The following JAZF1 variants were observed in gnomAD, a reference collection of about 807,000 sequenced individuals.
JAZF1 encodes the protein JAZF zinc finger 1.
JAZF1 carries 8 observed loss-of-function variants against 26.4 expected under a neutral mutation model. That is an observed-to-expected ratio of 0.30 (90% CI 0.18 to 0.55). The LOEUF (loss-of-function observed/expected upper bound fraction) is 0.55. Ranked by LOEUF, JAZF1 falls within the 20% of genes least tolerant of loss-of-function variation. The probability of loss-of-function intolerance (pLI) is 0.94; values close to 1 mark genes in which losing one functional copy is unlikely to be tolerated. For synonymous variants in JAZF1, 126 were observed against 122.3 expected (o/e 1.03, Z -0.20); for missense variants, 199 against 322.0 (o/e 0.62, Z 2.92).
At chr7:27,868,371 C>T (rs546224763) in intron 3 of JAZF1, among the ~76,000 whole-genome samples, 13 of 152,356 alleles carry the variant, frequency 8.5e-5, no homozygotes, top group African/African-American at 3.1e-4. Flanking sequence ...GTCCTCACCG[C>T]AACTCCCTGT....
intron 1 of JAZF1, among the ~76,000 whole-genome samples, chr7:28,146,864 G>GTT (rs1185605463): frequency 1.0e-4 from 14 of 135,600 alleles, no homozygotes; most frequent in East Asian, 2.1e-4. Flanking sequence ...GTTTTTTTTT[G>GTT]TTTTTTTTTT....
At chr7:27,910,855 G>C (rs1252803435) in intron 2 of JAZF1, among the ~76,000 whole-genome samples, 1 of 152,158 alleles carries the variant, frequency 6.6e-6, no homozygotes, top group Non-Finnish European at 1.5e-5. Context: ...CCAAGCGGTT[G>C]TTCCCCCCAC....
intron 1 of JAZF1, among the ~76,000 whole-genome samples, chr7:28,028,204 C>T (rs189042490): frequency 1.3e-5 from 2 of 152,334 alleles, no homozygotes; most frequent in East Asian, 1.9e-4. Flanking sequence ...AGTCATTACC[C>T]TCCCTTTCTT....
At chr7:28,007,600 G>A (rs1782726723) in intron 1 of JAZF1, among the ~76,000 whole-genome samples, 1 of 152,024 alleles carries the variant, frequency 6.6e-6, no homozygotes, top group Admixed American at 6.6e-5. Context: ...TGGACACTAA[G>A]GTTGCTCTTG....
chr7:28,033,033 T>C (rs1340004766), intron 1 of JAZF1, among the ~76,000 whole-genome samples: 1 of 152,192 alleles, frequency 6.6e-6, no homozygotes, highest in East Asian at 1.9e-4. Flanking sequence ...AAGATATTAC[T>C]ACAGCACCTT....
At chr7:28,170,081 T>C (rs1783430795) in intron 1 of JAZF1, among the ~76,000 whole-genome samples, 1 of 151,946 alleles carries the variant, frequency 6.6e-6, no homozygotes, top group East Asian at 1.9e-4. Flanking sequence ...CTCACAGTGT[T>C]TACAGTTGGG....
rs1405828935 is a variant in JAZF1, at chr7:28,159,628, A to G, written c.115+20835T>C. On this transcript the variant is annotated intron_variant, in intron 1 of 4. Transcript: ENST00000283928. ...TGAAGGATCACTCTTGCCGCTGTGG[A>G]GGACGAGCTCTAGGGTGGTGGAGAA... Among the ~76,000 whole-genome samples, 8 of 152,218 alleles carry G rather than the reference A, an allele frequency of 5.3e-5. No homozygotes were observed. The East Asian group carries it at 1.4e-3, about 26-fold the overall frequency.
At chr7:28,100,424 C>T (rs1562587251) in intron 1 of JAZF1, among the ~76,000 whole-genome samples, 2 of 151,438 alleles carry the variant, frequency 1.3e-5, no homozygotes, top group South Asian at 2.1e-4. Context: ...TATATATATA[C>T]ATATATATAT....
chr7:27,997,098 A>T (rs1319927855), intron 1 of JAZF1, among the ~76,000 whole-genome samples: 1 of 152,170 alleles, frequency 6.6e-6, no homozygotes, highest in Admixed American at 6.5e-5. Context: ...GAGTAGACAA[A>T]GACCTAGAGT....
chr7:28,083,181 G>T (rs1182440719), intron 1 of JAZF1, among the ~76,000 whole-genome samples: 1 of 152,018 alleles, frequency 6.6e-6, no homozygotes, highest in African/African-American at 2.4e-5. Flanking sequence ...CCTTCCACAT[G>T]CTCTCTTGGG....
chr7:28,081,386 G>C (rs1784134480), intron 1 of JAZF1, among the ~76,000 whole-genome samples: 1 of 152,196 alleles, frequency 6.6e-6, no homozygotes, highest in Admixed American at 6.5e-5. Context: ...GCCTGCAGAG[G>C]GGAGCAAGAG....
At position 27,987,292 on chromosome 7, in the gene JAZF1, C is replaced by T. The variant is rs546016802; in HGVS notation, c.188+4617G>A. ...GCCCCGTCTGGGATGTGAGGAGTGC[C>T]TCTGCCCGGCTGCGACCCCGTCTGG... On this transcript the variant is annotated intron_variant, in intron 2 of 4. Coordinates refer to ENST00000283928, the MANE Select transcript of JAZF1 (RefSeq NM_175061.4). 7.9e-5 allele frequency among the ~76,000 whole-genome samples: 12 copies of T among 151,780 alleles called. No homozygotes were observed. In the South Asian group the frequency reaches 2.5e-3, roughly 32 times the overall value.
chr7:28,161,044 A>G (rs939616435), intron 1 of JAZF1, among the ~76,000 whole-genome samples: 1 of 152,134 alleles, frequency 6.6e-6, no homozygotes, highest in African/African-American at 2.4e-5. Flanking sequence ...GTAAGTGACA[A>G]TGAACAGATT....
chr7:27,941,860 G>A (rs1169133167), intron 2 of JAZF1, among the ~76,000 whole-genome samples: 3 of 152,156 alleles, frequency 2.0e-5, no homozygotes, highest in Admixed American at 6.5e-5. Flanking sequence ...GCTTCAGCAC[G>A]GCCCACAGGA....
chr7:27,957,284 G>A (rs777860179), intron 2 of JAZF1, among the ~76,000 whole-genome samples: 37 of 152,188 alleles, frequency 2.4e-4, no homozygotes, highest in Non-Finnish European at 4.6e-4. Flanking sequence ...TGGCACTTGA[G>A]AAGTAGTTCA....
At chr7:28,099,849 T>C (rs1583559804) in intron 1 of JAZF1, among the ~76,000 whole-genome samples, 1 of 152,188 alleles carries the variant, frequency 6.6e-6, no homozygotes, top group Admixed American at 6.5e-5. Flanking sequence ...CTCACTTTCC[T>C]ACAAAAAGAT....
rs1340985490 is a variant in JAZF1 at position 27,889,640 on chromosome 7, T to C, written c.385+5580A>G. ...ACTTCTCTTAAATAAAAGATAAAAT[T>C]GAGATCATGGGCCAGGTGCGGTGGC... On this transcript the variant is annotated intron_variant, in intron 3 of 4. Coordinates refer to ENST00000283928, the MANE Select transcript of JAZF1 (RefSeq NM_175061.4). 3.9e-5 allele frequency among the ~76,000 whole-genome samples: 6 copies of C among 152,086 alleles called. No individual in the cohort carries two copies. The South Asian group carries it at 6.2e-4, about 16-fold the overall frequency.
chr7:27,970,607 G>A (rs1342531995), intron 2 of JAZF1, among the ~76,000 whole-genome samples: 4 of 152,100 alleles, frequency 2.6e-5, no homozygotes, highest in Admixed American at 2.6e-4. Flanking sequence ...CAGATATTTT[G>A]ATATCACAGT....
At chr7:28,000,428 A>T (rs1786121752) in intron 1 of JAZF1, among the ~76,000 whole-genome samples, 1 of 152,142 alleles carries the variant, frequency 6.6e-6, no homozygotes, top group South Asian at 2.1e-4. Flanking sequence ...ACCCTGCTTT[A>T]AAACTACACG....
Sources: gnomAD v4.1 joint callset for allele counts (sites outside exome capture counted in the v4.1 genomes callset) on GRCh38, gnomAD v4.1.1 for gene constraint, MANE v1.5 for transcripts, NCBI Gene and HGNC (gene_info 2026-07-23, HGNC 2026-07-21) for gene names.